GREB1: variants seen among roughly 807,000 people sequenced by gnomAD.
GREB1 encodes the protein growth regulating estrogen receptor binding 1, also known as protein GREB1.
GREB1 carries 106 observed loss-of-function variants against 200.7 expected under a neutral mutation model. The observed-to-expected ratio is 0.53, with a 90% CI of 0.45 to 0.62. The LOEUF (loss-of-function observed/expected upper bound fraction) is 0.62. GREB1 is among the 20% of genes least tolerant of loss of function. The probability of loss-of-function intolerance (pLI) is 0.00; values close to 1 mark genes in which losing one functional copy is unlikely to be tolerated. For missense variants in GREB1, 2,243 were observed against 2,556.8 expected (o/e 0.88, Z 2.65); for synonymous variants, 1,132 against 1,092.4 (o/e 1.04, Z -0.72).
intron 1 of GREB1, among the ~76,000 whole-genome samples, chr2:11,485,048 C>T (rs1672621970): frequency 6.6e-6 from 1 of 152,084 alleles, no homozygotes; most frequent in African/African-American, 2.4e-5. Flanking sequence ...ACCGTGGTCT[C>T]CATCTCCTGT....
intron 1 of GREB1, among the ~76,000 whole-genome samples, chr2:11,495,795 C>CCTTTTTTT (rs1393933225): frequency 2.2e-3 from 313 of 140,494 alleles, no homozygotes; most frequent in African/African-American, 8.0e-3. Flanking sequence ...TAAGTCCCCC[C>CCTTTTTTT]GTTTTTTTTT....
chr2:11,616,534 G>C, intron 20 of GREB1, 97 bp from the exon 21 acceptor site: 1 of 776,062 alleles, frequency 1.3e-6, no homozygotes, highest in Non-Finnish European at 2.3e-6. Flanking sequence ...ATGGGGAGAG[G>C]TGATGCATGG....
At chr2:11,559,831 C>G (rs931641406) in intron 2 of GREB1, among the ~76,000 whole-genome samples, 58 of 152,286 alleles carry the variant, frequency 3.8e-4, no homozygotes, top group African/African-American at 1.4e-3. Flanking sequence ...TCTCCCTCCC[C>G]ACCCCACCTC....
chr2:11,637,142 G>C (rs924376498), intron 30 of GREB1, among the ~76,000 whole-genome samples: 1 of 151,704 alleles, frequency 6.6e-6, no homozygotes, highest in Non-Finnish European at 1.5e-5. Flanking sequence ...GGGTAGGAGC[G>C]AGGAGGTCGG....
Position 11,633,995 on chromosome 2 carries a change from T to G in GREB1, c.4992-136T>G. The G allele has an allele frequency of 1.3e-6, 1 of 789,738 alleles. No individual in the cohort carries two copies. Among genetic ancestry groups the G allele is most frequent in the African/African-American group, 1.7e-5 (1 of 58,938 alleles). 48.9% of individuals were successfully genotyped at this position (789,738 alleles called of 1,614,324 possible). On this transcript the variant is annotated intron_variant, in intron 28 of 32. Coordinates refer to ENST00000381486, the MANE Select transcript of GREB1 (RefSeq NM_014668.4). This position sits in a 1 kb window ranked among gnomAD's most constrained non-coding sequence, Gnocchi z 4.1. Reference sequence around the variant, plus strand: ...AAGCGCCCAGCAGGGTGCCTGGCCCTGGGGGGACTGTGCGGGGCACCGGCC... The same window carrying G: ...AAGCGCCCAGCAGGGTGCCTGGCCCGGGGGGGACTGTGCGGGGCACCGGCC...
upstream of GREB1, among the ~76,000 whole-genome samples, chr2:11,529,807 T>C (rs1674005481): frequency 6.6e-6 from 1 of 152,206 alleles, no homozygotes. Flanking sequence ...TTCAGGAACA[T>C]TGTATGAGGC....
chr2:11,617,569 G>A (rs1346232039), intron 21 of GREB1, among the ~76,000 whole-genome samples: 1 of 152,248 alleles, frequency 6.6e-6, no homozygotes, highest in Admixed American at 6.5e-5. Context: ...GGTAGGTGAG[G>A]TTACCACAGG....
At position 11,576,351 on chromosome 2, in the gene GREB1, A is replaced by C. The variant is rs144849169; in HGVS notation, c.455-2A>C. ...ATGTTTATGGTTTACTTCCTTCTCCAGGTTTCTCTGGGAATTGTGTTGGCT... is the reference window on the plus strand; with the variant it reads ...ATGTTTATGGTTTACTTCCTTCTCCCGGTTTCTCTGGGAATTGTGTTGGCT... On this transcript the variant is annotated splice_acceptor_variant, in intron 4 of 32. Transcript: ENST00000381486. LOFTEE classifies it high-confidence loss of function. The C allele has an allele frequency of 6.2e-7, 1 of 1,602,464 alleles. No homozygotes were observed. Among genetic ancestry groups the C allele is most frequent in the Non-Finnish European group, 8.5e-7 (1 of 1,175,794 alleles).
chr2:11,500,071 T>G (rs749895418), intron 1 of GREB1, among the ~76,000 whole-genome samples: 6 of 152,170 alleles, frequency 3.9e-5, no homozygotes, highest in Non-Finnish European at 7.3e-5. Context: ...AACCTCTGCC[T>G]CCCGGGTTCG....
In GREB1 at chr2:11,493,520, G is replaced by C. The variant is rs1037435564; in HGVS notation, c.-159+11139G>C. Among the ~76,000 whole-genome samples, 6 of 152,142 alleles carry C rather than the reference G, an allele frequency of 3.9e-5. No homozygotes were observed. Among genetic ancestry groups the C allele is most frequent in the Non-Finnish European group, 8.8e-5 (6 of 68,034 alleles). On this transcript the variant is annotated intron_variant, in intron 1 of 2. Coordinates refer to the GREB1 transcript ENST00000628795. The surrounding 1 kb of genome is among the most constrained non-coding windows in gnomAD (Gnocchi z 4.6). ...TGTAAATACAGATGAAACTTCTCTT[G>C]CCCACCGCTCACCTCCTGCTGTGTG... is the stretch of plus-strand genomic sequence containing the variant.
chr2:11,611,959 C>T (rs889740262), intron 18 of GREB1, among the ~76,000 whole-genome samples: 4 of 152,050 alleles, frequency 2.6e-5, no homozygotes, highest in Non-Finnish European at 4.4e-5. Flanking sequence ...TTTAGGAGGC[C>T]GAGGCGGGCG....
rs1343965206 is a variant in GREB1, at chr2:11,640,321, G to A, written c.5717G>A (p.Arg1906Gln). Residue 1906 changes from arginine to glutamine, a missense_variant, in exon 33 of 33, where the codon CGG becomes CAG. By Grantham distance (43) the Arg-to-Gln change is conservative. Transcript: ENST00000381486. This position sits in a 1 kb window ranked among gnomAD's most constrained non-coding sequence, Gnocchi z 4.6. ...GATLCVICQD[R>Q]SSLRQTVVRL... ...ACGTTGTGTGTCATCTGTCAGGACC[G>A]GAGCTCACTGCGCCAGACGGTCGTC... 6.2e-6 allele frequency: 10 copies of A among 1,613,836 alleles called. No individual in the cohort carries two copies. The highest frequency in any genetic ancestry group is 1.7e-5 in the Admixed American group (1 of 59,948).
intron 24 of GREB1, among the ~76,000 whole-genome samples, chr2:11,625,870 ACT>A (rs1324008124): frequency 6.6e-6 from 1 of 152,102 alleles, no homozygotes; most frequent in East Asian, 1.9e-4. Context: ...GGCTTAATTG[ACT>A]CACAGTTCCA....
chr2:11,624,590 C>T (rs547475636), intron 23 of GREB1, among the ~76,000 whole-genome samples: 4 of 152,272 alleles, frequency 2.6e-5, no homozygotes, highest in African/African-American at 9.6e-5. Context: ...GGTGATCCAC[C>T]TGCCTCGGCC....
chr2:11,520,390 G>C (rs1051998270), intron 1 of GREB1, among the ~76,000 whole-genome samples: 15 of 152,202 alleles, frequency 9.9e-5, no homozygotes, highest in African/African-American at 2.9e-4. Flanking sequence ...CATGATGTCA[G>C]CAAGGCGGCA....
At chr2:11,634,428 A>AG in intron 29 of GREB1, 79 bp downstream of exon 29, 1 of 1,116,914 alleles carries the variant, frequency 9.0e-7, no homozygotes, top group African/African-American at 1.5e-5. Context: ...CTGGGGCTGC[A>AG]GAGGCGTCCT....
At position 11,556,510 on chromosome 2, in the gene GREB1, G is replaced by A. The variant is rs1402360188; in HGVS notation, c.-105G>A. 4 of 892,994 alleles carry A rather than the reference G, an allele frequency of 4.5e-6. No homozygotes were observed. Among genetic ancestry groups the A allele is most frequent in the South Asian group, 1.8e-5 (1 of 55,022 alleles). The allele number at this position is 892,994 out of a possible 1,614,324, so 55.3% of individuals were successfully genotyped here. On this transcript the variant is annotated 5_prime_UTR_variant, in exon 2 of 33. Transcript: ENST00000381486. ...CGTCTCTGCTGAGCGAAGGCTACACGGCCCTTCCTCCTTGCAGCTGTTTCA... is the reference window on the plus strand; with the variant it reads ...CGTCTCTGCTGAGCGAAGGCTACACAGCCCTTCCTCCTTGCAGCTGTTTCA...
chr2:11,590,586 T>C (rs1313339860), intron 10 of GREB1, among the ~76,000 whole-genome samples: 3 of 152,202 alleles, frequency 2.0e-5, no homozygotes, highest in Admixed American at 6.5e-5. Flanking sequence ...CAAGACCTTC[T>C]TGTTACTGTG....
chr2:11,548,002 C>A lies in GREB1; in HGVS notation c.-161-8452C>A, dbSNP rs1442350720. Among the ~76,000 whole-genome samples, 1 of 152,106 alleles carries A rather than the reference C, an allele frequency of 6.6e-6. No homozygotes were observed. Among genetic ancestry groups the A allele is most frequent in the Non-Finnish European group, 1.5e-5 (1 of 68,020 alleles). On this transcript the variant is annotated intron_variant, in intron 1 of 32. Coordinates refer to ENST00000381486, the MANE Select transcript of GREB1 (RefSeq NM_014668.4). The surrounding 1 kb of genome is among the most constrained non-coding windows in gnomAD (Gnocchi z 5.1). ...TTTGAGACCAGCCTGGGCAACCTAGCAAGACCTCTGTCCTTACCAAAAAAA... is the reference window on the plus strand; with the variant it reads ...TTTGAGACCAGCCTGGGCAACCTAGAAAGACCTCTGTCCTTACCAAAAAAA...
Sources: gnomAD v4.1 joint callset for allele counts (sites outside exome capture counted in the v4.1 genomes callset) on GRCh38, gnomAD v4.1.1 for gene constraint, Gnocchi (gnomAD v3.1) non-coding constraint, MANE v1.5 for transcripts, NCBI Gene and HGNC (gene_info 2026-07-23, HGNC 2026-07-21) for gene names.